DACH1: variants seen among roughly 807,000 people sequenced by gnomAD.
The protein encoded by DACH1 is dachshund family transcription factor 1.
DACH1 carries 12 observed loss-of-function variants against 54.2 expected under a neutral mutation model. The ratio of observed to expected loss-of-function variants is 0.22; its 90% CI spans 0.14 to 0.36. The LOEUF (loss-of-function observed/expected upper bound fraction) is 0.36, where lower values mean the gene tolerates loss of function less well. Among genes scored for constraint, DACH1 ranks in the 10% least tolerant of loss-of-function variants. The pLI is 1.00. For missense variants in DACH1, 805 were observed against 929.8 expected (o/e 0.87, Z 1.75); for synonymous variants, 386 against 366.2 (o/e 1.05, Z -0.62).
At chr13:71,795,075 A>G (rs1448102053) in intron 1 of DACH1, among the ~76,000 whole-genome samples, 1 of 152,206 alleles carries the variant, frequency 6.6e-6, no homozygotes, top group Non-Finnish European at 1.5e-5. Flanking sequence ...AAATAAGAGT[A>G]TAAAATGAGA....
At chr13:71,450,017 T>C (rs1414980533) in intron 10 of DACH1, among the ~76,000 whole-genome samples, 2 of 151,898 alleles carry the variant, frequency 1.3e-5, no homozygotes, top group Admixed American at 6.6e-5. Context: ...CATGTATACA[T>C]ATGTAACTAA....
chr13:71,509,505 G>A lies in DACH1; in HGVS notation c.1571-20357C>T, dbSNP rs538743610. On this transcript the variant is annotated intron_variant, in intron 6 of 10. Transcript: ENST00000613252. Reference sequence around the variant, plus strand: ...GTACAAGGTTATCAGGGCTTAAATTGTAATGAAGGAGTCAAAGAGGTGGTA... The same window carrying A: ...GTACAAGGTTATCAGGGCTTAAATTATAATGAAGGAGTCAAAGAGGTGGTA... 2.5e-4 allele frequency among the ~76,000 whole-genome samples: 38 copies of A among 152,176 alleles called. 1 individual carries two copies. In the South Asian group the frequency reaches 2.7e-3, roughly 11 times the overall value.
At chr13:71,615,189 T>C (rs1213719256) in intron 3 of DACH1, among the ~76,000 whole-genome samples, 10 of 152,188 alleles carry the variant, frequency 6.6e-5, no homozygotes, top group Admixed American at 6.5e-4. Flanking sequence ...TATTTAATGT[T>C]AAAGTATAAA....
intron 3 of DACH1, among the ~76,000 whole-genome samples, chr13:71,604,792 C>G (rs773269444): frequency 6.6e-6 from 1 of 151,874 alleles, no homozygotes; most frequent in South Asian, 2.1e-4. Flanking sequence ...ATCTTATCAG[C>G]TCTAGCATCA....
chr13:71,820,883 G>A lies in DACH1; in HGVS notation c.848+45039C>T, dbSNP rs148453220. Among the ~76,000 whole-genome samples, 35 of 152,220 alleles carry A rather than the reference G, an allele frequency of 2.3e-4. 1 individual carries two copies. The South Asian group carries it at 2.5e-3, about 11-fold the overall frequency. ...AAAATGGGAAGGAGAAAGATATTTC[G>A]TAATTCTCTTCTTATGACCTCATCA... On this transcript the variant is annotated intron_variant, in intron 1 of 10. Transcript: ENST00000613252.
At chr13:71,738,940 C>T (rs188583005) in intron 1 of DACH1, among the ~76,000 whole-genome samples, 11 of 151,628 alleles carry the variant, frequency 7.3e-5, no homozygotes, top group South Asian at 4.2e-4. Context: ...CAGGAAGAAA[C>T]GCGAATCAAC....
At chr13:71,501,364 A>G (rs983807821) in intron 6 of DACH1, among the ~76,000 whole-genome samples, 16 of 152,190 alleles carry the variant, frequency 1.1e-4, no homozygotes, top group Non-Finnish European at 2.4e-4. Context: ...TATTTAGTAA[A>G]TGTTAAGAGA....
intron 2 of DACH1, among the ~76,000 whole-genome samples, chr13:71,657,506 GA>G (rs916115810): frequency 4.3e-5 from 6 of 140,444 alleles, no homozygotes; most frequent in East Asian, 2.1e-4. Flanking sequence ...GTCTCAAGAA[GA>G]AAAAAAGTTT....
At chr13:71,738,360 A>T (rs527746108) in intron 1 of DACH1, among the ~76,000 whole-genome samples, 1 of 152,340 alleles carries the variant, frequency 6.6e-6, no homozygotes, top group South Asian at 2.1e-4. Context: ...TGAAAAAGAT[A>T]CATTTACAAT....
chr13:71,787,077 T>C (rs1041729702), intron 1 of DACH1, among the ~76,000 whole-genome samples: 3 of 152,150 alleles, frequency 2.0e-5, no homozygotes, highest in Admixed American at 2.0e-4. Context: ...TTTTCTTCAA[T>C]GCGAACTACA....
chr13:71,751,217 G>C (rs991241260), intron 1 of DACH1, among the ~76,000 whole-genome samples: 3 of 152,164 alleles, frequency 2.0e-5, no homozygotes, highest in Admixed American at 2.0e-4. Flanking sequence ...TTTCTGCTGC[G>C]TCAGTCATCT....
chr13:71,691,181 T>G (rs1881459435), intron 1 of DACH1, among the ~76,000 whole-genome samples: 1 of 152,200 alleles, frequency 6.6e-6, no homozygotes, highest in Non-Finnish European at 1.5e-5. Flanking sequence ...TATTGTTAAT[T>G]TGGTCCCAAT....
At chr13:71,478,673 C>T (rs561878927) in intron 8 of DACH1, among the ~76,000 whole-genome samples, 2 of 152,146 alleles carry the variant, frequency 1.3e-5, no homozygotes, top group South Asian at 4.2e-4. Flanking sequence ...GAAAATGAGG[C>T]CTTCAGAAAG....
intron 6 of DACH1, among the ~76,000 whole-genome samples, chr13:71,515,248 C>T (rs1410515328): frequency 6.6e-6 from 1 of 151,774 alleles, no homozygotes; most frequent in Non-Finnish European, 1.5e-5. Context: ...TTAGGTCTGT[C>T]CCCTGTAAGT....
At chr13:71,860,827 G>A (rs1390609493) in intron 1 of DACH1, among the ~76,000 whole-genome samples, 2 of 151,902 alleles carry the variant, frequency 1.3e-5, no homozygotes, top group South Asian at 2.1e-4. Context: ...GATAGTTAAA[G>A]CACAAATTGT....
At chr13:71,833,069 T>C (rs535971514) in intron 1 of DACH1, among the ~76,000 whole-genome samples, 7 of 152,062 alleles carry the variant, frequency 4.6e-5, no homozygotes, top group East Asian at 1.9e-4. Context: ...CTGAGATCTA[T>C]GTGAATAGAA....
intron 1 of DACH1, among the ~76,000 whole-genome samples, chr13:71,814,100 C>T (rs1269266872): frequency 2.6e-5 from 4 of 152,128 alleles, no homozygotes; most frequent in Non-Finnish European, 4.4e-5. Flanking sequence ...AGAAAGTAAG[C>T]TAGATTAACC....
In DACH1 at chr13:71,865,821, C is replaced by T. The variant is rs1874710973; in HGVS notation, c.848+101G>A. 8 of 1,322,238 alleles carry T rather than the reference C, an allele frequency of 6.1e-6. No homozygotes were observed. In the East Asian group the frequency reaches 1.9e-4, roughly 31 times the overall value. 81.9% of individuals were successfully genotyped at this position (1,322,238 alleles called of 1,614,324 possible). A position where few individuals can be genotyped will look rare whatever the true frequency, so the allele number is the denominator to read the frequency against. On this transcript the variant is annotated intron_variant, in intron 1 of 10. Transcript: ENST00000613252. ...GCCGCGCTCGCCGGGGCGCGCGGCT[C>T]GCGGGCGCGCAGAGCGAGCGGCGCC...
intron 7 of DACH1, among the ~76,000 whole-genome samples, chr13:71,482,793 GTTTTTTTTTTTTT>G (rs10716729): frequency 1.5e-5 from 1 of 67,494 alleles, no homozygotes; most frequent in South Asian, 7.4e-4. Context: ...TCAACTGACA[GTTTTTTTTTTTTT>G]TTTTTTTTTT....
Sources: allele counts gnomAD v4.1 joint callset (sites outside exome capture counted in the v4.1 genomes callset), GRCh38; gene constraint gnomAD v4.1.1; transcripts MANE v1.5; gene names NCBI Gene and HGNC (gene_info 2026-07-23, HGNC 2026-07-21).